The following XKR9 variants were observed in gnomAD, a reference collection of about 807,000 sequenced individuals.
XKR9 encodes XK related 9.
A neutral mutation model predicts 32.0 loss-of-function variants in XKR9; 32 were observed. That is an observed-to-expected ratio of 1.00 (90% CI 0.76 to 1.34). The LOEUF (loss-of-function observed/expected upper bound fraction) is 1.34, where lower values mean the gene tolerates loss of function less well. XKR9 is among the 40% of genes most tolerant of loss of function. XKR9 has a pLI of 0.00. For missense variants in XKR9, 546 were observed against 429.7 expected, an observed-to-expected ratio of 1.27 and a Z score of -2.39; for synonymous variants, 168 against 143.4, an observed-to-expected ratio of 1.17 and a Z score of -1.22.
At chr8:70,689,451 T>C (rs1164704877) in intron 3 of XKR9, among the ~76,000 whole-genome samples, 3 of 148,548 alleles carry the variant, frequency 2.0e-5, no homozygotes, top group Non-Finnish European at 3.0e-5. Context: ...CAAATATATA[T>C]ATATATATGT....
chr8:70,961,835 T>C, the XKR9 span, among the ~76,000 whole-genome samples: 1 of 152,132 alleles, frequency 6.6e-6, no homozygotes, highest in Admixed American at 6.5e-5. Flanking sequence ...GTGTGTTAAA[T>C]AAGAGCTAAA....
the XKR9 span, among the ~76,000 whole-genome samples, chr8:70,867,076 G>C: frequency 2.0e-4 from 31 of 152,300 alleles, no homozygotes; most frequent in African/African-American, 7.2e-4. Context: ...GGGAAAAAGG[G>C]TTTAATGGAC....
At chr8:70,779,417 TTTG>T (rs1807584311) in intron 2 of XKR9, among the ~76,000 whole-genome samples, 6 of 152,242 alleles carry the variant, frequency 3.9e-5, no homozygotes, top group South Asian at 2.1e-4. Flanking sequence ...ATTCTCTTTT[TTTG>T]TTGTTGTGTC....
At chr8:70,681,437 A>C in intron 3 of XKR9, 107 bp downstream of exon 3, 1 of 1,340,948 alleles carries the variant, frequency 7.5e-7, no homozygotes, top group South Asian at 1.5e-5. Flanking sequence ...CCTTATTTGC[A>C]TGAAGCACAA....
chr8:70,776,922 T>TC (rs1491525120), intron 2 of XKR9, among the ~76,000 whole-genome samples: 3,653 of 72,528 alleles, frequency 0.05, 440 homozygotes, highest in Non-Finnish European at 0.065. Flanking sequence ...TTTCTCTTTC[T>TC]TTCTCTCTCT....
At chr8:70,853,478 A>G in the XKR9 span, among the ~76,000 whole-genome samples, 3 of 151,906 alleles carry the variant, frequency 2.0e-5, no homozygotes, top group Non-Finnish European at 4.4e-5. Context: ...ACATCTACCT[A>G]TACATCTACC....
the XKR9 span, among the ~76,000 whole-genome samples, chr8:70,814,050 CCAA>C: frequency 6.6e-6 from 1 of 152,162 alleles, no homozygotes; most frequent in Non-Finnish European, 1.5e-5. Context: ...ACCCAAATGT[CCAA>C]CAACAATAGT....
the XKR9 span, among the ~76,000 whole-genome samples, chr8:71,057,147 T>C: frequency 6.6e-6 from 1 of 152,320 alleles, no homozygotes; most frequent in East Asian, 1.9e-4. Context: ...TTGCCTGTAC[T>C]CTTGGCTGGT....
chr8:70,933,579 CT>C, the XKR9 span, among the ~76,000 whole-genome samples: 1 of 151,966 alleles, frequency 6.6e-6, no homozygotes, highest in African/African-American at 2.4e-5. Flanking sequence ...TATTCTCTTC[CT>C]TTTTCTTCCT....
chr8:71,020,730 C>G, the XKR9 span, among the ~76,000 whole-genome samples: 1 of 152,136 alleles, frequency 6.6e-6, no homozygotes, highest in African/African-American at 2.4e-5. Flanking sequence ...TAACCATCAC[C>G]TCGGGCATTT....
At chr8:70,963,412 G>A in the XKR9 span, among the ~76,000 whole-genome samples, 2 of 152,052 alleles carry the variant, frequency 1.3e-5, no homozygotes, top group Admixed American at 1.3e-4. Context: ...GTTGTGAGTA[G>A]TACTGCAATG....
chr8:70,701,083 G>A (rs544275157), intron 3 of XKR9, among the ~76,000 whole-genome samples: 13 of 152,266 alleles, frequency 8.5e-5, no homozygotes, highest in South Asian at 2.1e-4. Context: ...TCCAGGTGCC[G>A]TCTGTAACCC....
At chr8:71,040,831 T>C in the XKR9 span, among the ~76,000 whole-genome samples, 1 of 152,200 alleles carries the variant, frequency 6.6e-6, no homozygotes, top group Non-Finnish European at 1.5e-5. Context: ...TAGCTATTCC[T>C]GTATTGGGGG....
chr8:70,717,544 C>T (rs569393333), intron 4 of XKR9, among the ~76,000 whole-genome samples: 1 of 152,164 alleles, frequency 6.6e-6, no homozygotes, highest in Non-Finnish European at 1.5e-5. Context: ...CCCTTTTAGC[C>T]ATAGCTAGAG....
chr8:70,765,875 A>G (rs1807368608), intron 2 of XKR9, among the ~76,000 whole-genome samples: 1 of 152,100 alleles, frequency 6.6e-6, no homozygotes, highest in South Asian at 2.1e-4. Context: ...TCTTTCCCCC[A>G]TTGCTTGTTT....
the XKR9 span, among the ~76,000 whole-genome samples, chr8:71,018,206 A>G: frequency 6.6e-6 from 1 of 152,196 alleles, no homozygotes; most frequent in Non-Finnish European, 1.5e-5. Flanking sequence ...ATAAAGTGAA[A>G]AGCAGGCTAG....
chr8:70,787,453 G>A (rs962014736), intron 2 of XKR9, among the ~76,000 whole-genome samples: 10 of 152,112 alleles, frequency 6.6e-5, no homozygotes, highest in Admixed American at 3.9e-4. Context: ...AATGGCAAAT[G>A]TTGGGAGAAG....
intron 2 of XKR9, among the ~76,000 whole-genome samples, chr8:70,749,530 G>A (rs143181970): frequency 2.6e-5 from 4 of 152,358 alleles, no homozygotes; most frequent in East Asian, 3.9e-4. Flanking sequence ...ACATGGAGTC[G>A]GCATCTGTGC....
chr8:70,801,056 A>C, the XKR9 span, among the ~76,000 whole-genome samples: 2 of 150,046 alleles, frequency 1.3e-5, no homozygotes, highest in African/African-American at 4.9e-5. Flanking sequence ...TTTAATTTGA[A>C]TATTCTATTT....
Sources: gnomAD v4.1 joint callset for allele counts (sites outside exome capture counted in the v4.1 genomes callset) on GRCh38, gnomAD v4.1.1 for gene constraint, MANE v1.5 for transcripts, NCBI Gene and HGNC (gene_info 2026-07-23, HGNC 2026-07-21) for gene names.